Variants in VRK1 observed in about 807,000 individuals in gnomAD.
VRK1 encodes the protein VRK serine/threonine kinase 1.
A neutral mutation model predicts 57.1 loss-of-function variants in VRK1; 33 were observed. That is an observed-to-expected ratio of 0.58 (90% CI 0.44 to 0.77). The LOEUF (loss-of-function observed/expected upper bound fraction) is 0.77, where lower values mean the gene tolerates loss of function less well. Among genes scored for constraint, VRK1 ranks in the 30% least tolerant of loss-of-function variants. The pLI is 0.00. For missense variants in VRK1, 413 were observed against 477.3 expected (o/e 0.87, Z 1.25); for synonymous variants, 137 against 147.8 (o/e 0.93, Z 0.53).
intron 5 of VRK1, among the ~76,000 whole-genome samples, chr14:96,851,433 G>A (rs557523063): frequency 6.6e-6 from 1 of 152,224 alleles, no homozygotes; most frequent in East Asian, 1.9e-4. Context: ...GAACTACCAG[G>A]CCCGGCCACC....
intron 11 of VRK1, among the ~76,000 whole-genome samples, chr14:96,865,409 G>A (rs936985463): frequency 3.9e-5 from 6 of 152,178 alleles, no homozygotes; most frequent in Non-Finnish European, 1.5e-5. Flanking sequence ...CTCTGTGCCA[G>A]TGCCACACTG....
At chr14:96,821,444 A>C (rs1241573014) in intron 1 of VRK1, among the ~76,000 whole-genome samples, 4 of 152,178 alleles carry the variant, frequency 2.6e-5, no homozygotes, top group Non-Finnish European at 5.9e-5. Flanking sequence ...AGTTAAAAAA[A>C]ACAAAACAAA....
rs987022343 is a variant in VRK1 at position 96,805,993 on chromosome 14, T to C, written c.-6+8546T>C. Among the ~76,000 whole-genome samples, 26 of 151,796 alleles carry C rather than the reference T, an allele frequency of 1.7e-4. 1 individual carries two copies. The highest frequency in any genetic ancestry group is 2.7e-4 in the Non-Finnish European group (18 of 67,860). On this transcript the variant is annotated intron_variant, in intron 1 of 12. Transcript: ENST00000216639. The stretch of plus-strand genomic sequence containing the variant: ...ATCACAGAGAATTTTTCTTTTTTTT[T>C]TTTTTTTTCTGCAGAAGAGCAAGCT...
chr14:96,832,657 G>A (rs375455602), intron 1 of VRK1, among the ~76,000 whole-genome samples: 12 of 152,296 alleles, frequency 7.9e-5, no homozygotes, highest in African/African-American at 2.9e-4. Context: ...TGAATGTTAT[G>A]TTAAACTTAT....
At chr14:96,856,661 G>GC (rs2139805328) in intron 10 of VRK1, 75 bp downstream of exon 10, 1 of 1,290,424 alleles carries the variant, frequency 7.7e-7, no homozygotes, top group Admixed American at 1.8e-5. Flanking sequence ...CCATGGAATA[G>GC]CCCTTAATGT....
At chr14:96,855,114 C>A in intron 7 of VRK1, 110 bp from the exon 8 acceptor site, 1 of 1,495,362 alleles carries the variant, frequency 6.7e-7, no homozygotes, top group South Asian at 1.1e-5. Context: ...TATGGAATGA[C>A]CTTGTAGGTG....
At chr14:96,800,535 A>C (rs1885617680) in intron 1 of VRK1, among the ~76,000 whole-genome samples, 1 of 152,184 alleles carries the variant, frequency 6.6e-6, no homozygotes, top group African/African-American at 2.4e-5. Context: ...AAACTGCTCT[A>C]CTTTTACCAA....
At position 96,876,063 on chromosome 14, in the gene VRK1, C is replaced by A; in HGVS notation, c.1102C>A (p.Pro368Thr). Residue 368 changes from proline (P) to threonine (T), a missense_variant, in exon 12 of 13, where the codon CCT (proline) becomes ACT (threonine). By Grantham distance (38) the Pro-to-Thr change is conservative (BLOSUM62 -1). Coordinates refer to ENST00000216639, the MANE Select transcript of VRK1 (RefSeq NM_003384.3). Reference sequence around the variant, plus strand: ...GAAAGAAATTGAAGAAAGCAAGGAACCTGGTGTTGAAGATACGGAATGGTC... The same window carrying A: ...GAAAGAAATTGAAGAAAGCAAGGAAACTGGTGTTGAAGATACGGAATGGTC... The part of the protein sequence containing the change: ...RKKEIEESKE[P>T]GVEDTEWSNT... 3.1e-6 allele frequency: 5 copies of A among 1,613,562 alleles called. No individual in the cohort carries two copies. Among genetic ancestry groups the A allele is most frequent in the Non-Finnish European group, 4.2e-6 (5 of 1,179,646 alleles).
At chr14:96,880,221 C>T (rs1420943453) in intron 12 of VRK1, among the ~76,000 whole-genome samples, 1 of 152,122 alleles carries the variant, frequency 6.6e-6, no homozygotes, top group Non-Finnish European at 1.5e-5. Context: ...AACTAAAACC[C>T]ATGATCAGAA....
intron 1 of VRK1, among the ~76,000 whole-genome samples, chr14:96,798,366 A>G (rs555861468): frequency 6.6e-6 from 1 of 152,298 alleles, no homozygotes; most frequent in South Asian, 2.1e-4. Context: ...GTCAGACACT[A>G]TAGGTTCCTG....
Position 96,834,903 on chromosome 14 carries a change from A to G in VRK1, c.160+1272A>G, listed in dbSNP as rs150225111. The stretch of plus-strand genomic sequence containing the variant: ...AGATAAGCTGTCTTTACTACAGGAT[A>G]TGTGGACTTATGCCATCCTGTATTA... On this transcript the variant is annotated intron_variant, in intron 2 of 12. Transcript: ENST00000216639. Among the ~76,000 whole-genome samples the G allele has an allele frequency of 1.5e-3, 233 of 152,312 alleles. 1 individual carries two copies. Among genetic ancestry groups the G allele is most frequent in the African/African-American group, 5.0e-3 (208 of 41,576 alleles).
rs780930484 is a variant in VRK1, at chr14:96,853,102, A to C, written c.512A>C (p.His171Pro). Reference sequence around the variant, plus strand: ...GATATTCTGGAATATATTCACGAGCATGAGTATGTGCATGGAGATATCAAG... The same window carrying C: ...GATATTCTGGAATATATTCACGAGCCTGAGTATGTGCATGGAGATATCAAG... The part of the protein sequence containing the change: ...ILDILEYIHE[H>P]EYVHGDIKAS... The change falls in exon 7 of 13, where the codon CAT becomes CCT. Residue 171 changes from histidine (H) to proline (P), a missense_variant. Physicochemically the swap from His to Pro is moderately conservative, Grantham distance 77 (BLOSUM62 -2). Coordinates refer to ENST00000216639, the MANE Select transcript of VRK1 (RefSeq NM_003384.3). The C allele has an allele frequency of 6.2e-7, 1 of 1,613,888 alleles. No homozygotes were observed. The highest frequency in any genetic ancestry group is 8.5e-7 in the Non-Finnish European group (1 of 1,179,844).
intron 7 of VRK1, 124 bp downstream of exon 7, chr14:96,853,290 C>A: frequency 3.8e-6 from 3 of 786,298 alleles, no homozygotes; most frequent in Non-Finnish European, 4.3e-6. Context: ...AATAATATTT[C>A]TTCTTGACAC....
At chr14:96,829,974 T>C (rs1334789604) in intron 1 of VRK1, among the ~76,000 whole-genome samples, 1 of 152,176 alleles carries the variant, frequency 6.6e-6, no homozygotes, top group African/African-American at 2.4e-5. Flanking sequence ...CACTTAGCAG[T>C]CTTTATACTC....
chr14:96,833,440 T>G lies in VRK1; in HGVS notation c.-5-27T>G, dbSNP rs779892898. On this transcript the variant is annotated intron_variant, in intron 1 of 12. Transcript: ENST00000216639. ...TTAAACACTTCTAAGATTAGAATTC[T>G]GACCATTTCTTTGTTTTATGTTATA... 10 of 1,612,454 alleles carry G rather than the reference T, an allele frequency of 6.2e-6. No individual in the cohort carries two copies. The South Asian group carries it at 9.9e-5, about 16-fold the overall frequency.
chr14:96,857,741 A>T (rs1888223532), intron 10 of VRK1, among the ~76,000 whole-genome samples: 1 of 152,172 alleles, frequency 6.6e-6, no homozygotes, highest in Admixed American at 6.5e-5. Flanking sequence ...TCTCCTTTTC[A>T]GGGAGGTCTA....
intron 1 of VRK1, among the ~76,000 whole-genome samples, chr14:96,826,445 G>T (rs1886802975): frequency 2.0e-5 from 3 of 152,178 alleles, no homozygotes; most frequent in Admixed American, 2.0e-4. Flanking sequence ...TTTGCATCTT[G>T]ATGTGCTTTT....
chr14:96,806,611 TAAAATAA>T (rs2139684121), intron 1 of VRK1, among the ~76,000 whole-genome samples: 2 of 152,288 alleles, frequency 1.3e-5, no homozygotes, highest in African/African-American at 4.8e-5. Context: ...CAAATCAAGG[TAAAATAA>T]TACCTATCTT....
chr14:96,798,837 G>A (rs1164263453), intron 1 of VRK1, among the ~76,000 whole-genome samples: 1 of 152,092 alleles, frequency 6.6e-6, no homozygotes, highest in Non-Finnish European at 1.5e-5. Flanking sequence ...TTAAATTTCT[G>A]GGTAGATAAG....
Sources: allele counts gnomAD v4.1 joint callset (sites outside exome capture counted in the v4.1 genomes callset), GRCh38; gene constraint gnomAD v4.1.1; transcripts MANE v1.5; gene names NCBI Gene and HGNC (gene_info 2026-07-23, HGNC 2026-07-21).